The following COL23A1 variants were observed in gnomAD, a reference collection of about 807,000 sequenced individuals.
COL23A1 encodes the protein collagen alpha-1(XXIII) chain.
A neutral mutation model predicts 99.3 loss-of-function variants in COL23A1; 97 were observed. The observed-to-expected ratio is 0.98, with a 90% CI of 0.83 to 1.16. The LOEUF (loss-of-function observed/expected upper bound fraction) is 1.16, where lower values mean the gene tolerates loss of function less well. Ranked by LOEUF, COL23A1 falls within the 50% of genes most tolerant of loss-of-function variation. COL23A1 has a pLI of 0.00. For missense variants in COL23A1, 762 were observed against 757.4 expected (o/e 1.01, Z -0.07); for synonymous variants, 320 against 308.2 (o/e 1.04, Z -0.40).
intron 5 of COL23A1, among the ~76,000 whole-genome samples, chr5:178,283,406 G>A (rs753308495): frequency 6.6e-6 from 1 of 151,964 alleles, no homozygotes; most frequent in African/African-American, 2.4e-5. Context: ...TCCTCTGCCG[G>A]GATCTCCCCC....
rs73336650 is a variant in COL23A1, at chr5:178,424,577, C to T, written c.362-117658G>A. Among the ~76,000 whole-genome samples the T allele has an allele frequency of 1.1e-3, 161 of 152,294 alleles. 2 individuals are homozygous for T. Among genetic ancestry groups the T allele is most frequent in the African/African-American group, 3.7e-3 (152 of 41,548 alleles). On this transcript the variant is annotated intron_variant, in intron 2 of 28. Coordinates refer to ENST00000390654, the MANE Select transcript of COL23A1 (RefSeq NM_173465.4). Reference sequence around the variant, plus strand: ...GTGCTAGGGCCAGGACAAGACACACCGGCAACGCTCAGAACTGGAATATAA... The same window carrying T: ...GTGCTAGGGCCAGGACAAGACACACTGGCAACGCTCAGAACTGGAATATAA...
intron 2 of COL23A1, among the ~76,000 whole-genome samples, chr5:178,331,139 T>C (rs571819494): frequency 2.0e-5 from 3 of 152,342 alleles, no homozygotes; most frequent in East Asian, 3.9e-4. Flanking sequence ...TGGCCCCAAG[T>C]TGCAAGCTGG....
chr5:178,548,993 T>C (rs1264016523), intron 2 of COL23A1, among the ~76,000 whole-genome samples: 2 of 152,194 alleles, frequency 1.3e-5, no homozygotes, highest in East Asian at 3.9e-4. Flanking sequence ...CAAGCATCCA[T>C]ACAAATACTT....
intron 2 of COL23A1, among the ~76,000 whole-genome samples, chr5:178,394,886 G>A (rs1329056983): frequency 5.9e-5 from 9 of 151,426 alleles, no homozygotes; most frequent in South Asian, 2.1e-4. Context: ...GCTTGGTTCC[G>A]GCCCCGGCTG....
intron 2 of COL23A1, among the ~76,000 whole-genome samples, chr5:178,449,873 C>T (rs1386651126): frequency 6.6e-6 from 1 of 152,058 alleles, no homozygotes; most frequent in African/African-American, 2.4e-5. Flanking sequence ...GCGTTGTGTC[C>T]AAATGCCCCT....
intron 2 of COL23A1, among the ~76,000 whole-genome samples, chr5:178,484,122 C>T (rs1562012514): frequency 6.6e-6 from 1 of 152,108 alleles, no homozygotes; most frequent in Non-Finnish European, 1.5e-5. Context: ...GATGGGGTTT[C>T]ACCGTGTTGG....
intron 2 of COL23A1, among the ~76,000 whole-genome samples, chr5:178,400,349 A>G (rs1439875416): frequency 2.9e-5 from 4 of 135,952 alleles, no homozygotes; most frequent in Non-Finnish European, 4.6e-5. Context: ...CCTGGGCGAC[A>G]GAGCGAGACT....
At chr5:178,429,711 G>A (rs985293847) in intron 2 of COL23A1, among the ~76,000 whole-genome samples, 3 of 147,916 alleles carry the variant, frequency 2.0e-5, no homozygotes, top group African/African-American at 7.6e-5. Flanking sequence ...TTTCCACATT[G>A]ACGCCAGAGG....
chr5:178,278,387 T>G (rs1165687277), intron 5 of COL23A1, among the ~76,000 whole-genome samples: 1 of 152,214 alleles, frequency 6.6e-6, no homozygotes, highest in Non-Finnish European at 1.5e-5. Flanking sequence ...TTGAAACCCT[T>G]AAAAATGCAA....
intron 1 of COL23A1, among the ~76,000 whole-genome samples, chr5:178,568,754 G>T (rs1164658534): frequency 2.0e-5 from 3 of 152,160 alleles, no homozygotes; most frequent in Non-Finnish European, 4.4e-5. Context: ...ATGCACATTG[G>T]CGTGGATCAT....
chr5:178,267,625 G>A (rs2127559796), intron 7 of COL23A1, among the ~76,000 whole-genome samples: 1 of 152,302 alleles, frequency 6.6e-6, no homozygotes, highest in South Asian at 2.1e-4. Flanking sequence ...GTGGAGCAGA[G>A]ACAGCCCCTC....
At chr5:178,336,373 G>A (rs919044373) in intron 2 of COL23A1, among the ~76,000 whole-genome samples, 1 of 152,142 alleles carries the variant, frequency 6.6e-6, no homozygotes, top group African/African-American at 2.4e-5. Flanking sequence ...AACAAAACAT[G>A]GTCTATCCAT....
At chr5:178,337,103 G>T (rs948237076) in intron 2 of COL23A1, among the ~76,000 whole-genome samples, 3 of 152,242 alleles carry the variant, frequency 2.0e-5, no homozygotes, top group Non-Finnish European at 4.4e-5. Context: ...GGCCTGCGGA[G>T]GACATCAGGG....
At chr5:178,355,186 C>G (rs75233874) in intron 2 of COL23A1, among the ~76,000 whole-genome samples, 14,563 of 152,072 alleles carry the variant, frequency 0.096, 1,195 homozygotes, top group African/African-American at 0.22. Context: ...TGGTTATATG[C>G]AAATACTACA....
chr5:178,523,143 A>AATATATAT (rs34569306), intron 2 of COL23A1, among the ~76,000 whole-genome samples: 27 of 106,208 alleles, frequency 2.5e-4, no homozygotes, highest in African/African-American at 7.3e-4. Context: ...TCTATTTAAA[A>AATATATAT]ATATATATAT....
intron 2 of COL23A1, among the ~76,000 whole-genome samples, chr5:178,526,424 A>G (rs1393970583): frequency 6.6e-6 from 1 of 152,130 alleles, no homozygotes; most frequent in Admixed American, 6.5e-5. Context: ...GCTGAGCGAG[A>G]AGGACATGGG....
At chr5:178,316,837 G>A (rs1261042598) in intron 2 of COL23A1, among the ~76,000 whole-genome samples, 1 of 148,090 alleles carries the variant, frequency 6.8e-6, no homozygotes, top group Non-Finnish European at 1.5e-5. Context: ...ATTGAAGTCT[G>A]TGGACTTCTT....
intron 2 of COL23A1, among the ~76,000 whole-genome samples, chr5:178,369,829 G>A (rs527442121): frequency 3.9e-5 from 6 of 152,192 alleles, no homozygotes; most frequent in Non-Finnish European, 8.8e-5. Flanking sequence ...TTTATCATCA[G>A]CATGAGAACA....
chr5:178,429,869 C>G (rs756758517), intron 2 of COL23A1, among the ~76,000 whole-genome samples: 9 of 152,120 alleles, frequency 5.9e-5, no homozygotes, highest in Non-Finnish European at 1.3e-4. Flanking sequence ...TATGGCCTGG[C>G]TCTAACCCCA....
Sources: gnomAD v4.1 joint callset for allele counts (sites outside exome capture counted in the v4.1 genomes callset) on GRCh38, gnomAD v4.1.1 for gene constraint, MANE v1.5 for transcripts, NCBI Gene and HGNC (gene_info 2026-07-23, HGNC 2026-07-21) for gene names.